The following NKAIN2 variants were observed in gnomAD, a reference collection of about 807,000 sequenced individuals.
NKAIN2 encodes the protein sodium/potassium-transporting ATPase subunit beta-1-interacting protein 2.
In NKAIN2, 14 loss-of-function variants were observed where a neutral mutation model predicts 32.6. That is an observed-to-expected ratio of 0.43 (90% CI 0.28 to 0.67). NKAIN2 has a LOEUF of 0.67. Ranked by LOEUF, NKAIN2 falls within the 30% of genes least tolerant of loss-of-function variation. NKAIN2 has a pLI of 0.17. For synonymous variants in NKAIN2, 80 were observed against 87.2 expected, an observed-to-expected ratio of 0.92 and a Z score of 0.46; for missense variants, 198 against 258.3, an observed-to-expected ratio of 0.77 and a Z score of 1.60.
Position 123,971,692 on chromosome 6 carries a change from G to C in NKAIN2, c.54+167438G>C, listed in dbSNP as rs376952135. Among the ~76,000 whole-genome samples the C allele has an allele frequency of 7.2e-5, 11 of 152,278 alleles. No homozygotes were observed. In the East Asian group the frequency reaches 1.7e-3, roughly 24 times the overall value. On this transcript the variant is annotated intron_variant, in intron 1 of 6. Transcript: ENST00000368417. ...ATACAACATTGGCTGGAGTGGGGAA[G>C]GTTTGGGGGATTTTCTTATCAGCTG...
intron 1 of NKAIN2, among the ~76,000 whole-genome samples, chr6:123,996,818 G>A (rs1368622916): frequency 4.6e-5 from 7 of 152,078 alleles, no homozygotes; most frequent in Middle Eastern, 3.4e-3. Context: ...TTACTCTAAG[G>A]GACACTTTGA....
chr6:124,065,739 G>C (rs181487065), intron 1 of NKAIN2, among the ~76,000 whole-genome samples: 1 of 152,094 alleles, frequency 6.6e-6, no homozygotes, highest in Non-Finnish European at 1.5e-5. Context: ...AAGACAAACT[G>C]TCTCTTCCAT....
intron 5 of NKAIN2, among the ~76,000 whole-genome samples, chr6:124,816,956 G>A (rs1781194609): frequency 6.6e-6 from 1 of 152,106 alleles, no homozygotes; most frequent in African/African-American, 2.4e-5. Context: ...AGTTACCATT[G>A]CTGCCAAAAC....
In NKAIN2 at chr6:124,202,478, G is replaced by A. The variant is rs187931273; in HGVS notation, c.55-80527G>A. 8.7e-3 allele frequency among the ~76,000 whole-genome samples: 1,317 copies of A among 151,028 alleles called. 16 individuals carry two copies. The highest frequency in any genetic ancestry group is 0.03 in the African/African-American group (1,247 of 40,892). ...AAGAATATACATTCATTCAACTGTT[G>A]TTCTAACATACAGCAAGTCCTTGAG... On this transcript the variant is annotated intron_variant, in intron 1 of 6. Transcript: ENST00000368417.
At chr6:124,171,128 T>C (rs188818512) in intron 1 of NKAIN2, among the ~76,000 whole-genome samples, 264 of 152,302 alleles carry the variant, frequency 1.7e-3, no homozygotes, top group Admixed American at 3.5e-3. Flanking sequence ...TTCCACTAAA[T>C]GTAAATTTTA....
intron 2 of NKAIN2, among the ~76,000 whole-genome samples, chr6:124,349,298 C>T (rs912391279): frequency 1.3e-5 from 2 of 152,034 alleles, no homozygotes; most frequent in African/African-American, 2.4e-5. Flanking sequence ...CTGCTCCCCC[C>T]TACAAAGGCG....
At chr6:124,677,944 T>A (rs1322225272) in intron 4 of NKAIN2, among the ~76,000 whole-genome samples, 5 of 152,134 alleles carry the variant, frequency 3.3e-5, no homozygotes, top group Non-Finnish European at 7.4e-5. Flanking sequence ...AGGAATGTCT[T>A]CTTTTTCCTT....
intron 1 of NKAIN2, among the ~76,000 whole-genome samples, chr6:123,895,125 A>T (rs1018600365): frequency 6.7e-6 from 1 of 149,284 alleles, no homozygotes; most frequent in Non-Finnish European, 1.5e-5. Flanking sequence ...CCTTCTTACA[A>T]ACTCTCCTTC....
intron 1 of NKAIN2, among the ~76,000 whole-genome samples, chr6:123,932,009 T>C (rs746420263): frequency 6.6e-6 from 1 of 152,226 alleles, no homozygotes; most frequent in South Asian, 2.1e-4. Flanking sequence ...TTTATCATTT[T>C]TCACTCTCTG....
intron 1 of NKAIN2, among the ~76,000 whole-genome samples, chr6:124,096,523 G>GA (rs1278334189): frequency 1.3e-5 from 2 of 152,142 alleles, no homozygotes; most frequent in East Asian, 3.9e-4. Flanking sequence ...ATCGTTTTCT[G>GA]AAAAATTCTT....
intron 1 of NKAIN2, among the ~76,000 whole-genome samples, chr6:124,125,067 C>T (rs1160338024): frequency 2.6e-5 from 4 of 152,160 alleles, no homozygotes; most frequent in African/African-American, 9.7e-5. Flanking sequence ...ATAGATGAGT[C>T]TTGTTCTACC....
At chr6:124,673,614 T>G (rs950267105) in intron 4 of NKAIN2, among the ~76,000 whole-genome samples, 1 of 152,092 alleles carries the variant, frequency 6.6e-6, no homozygotes, top group African/African-American at 2.4e-5. Flanking sequence ...ACTGTGGTTT[T>G]GATTTGTATT....
chr6:123,837,040 A>T (rs1774658530), intron 1 of NKAIN2, among the ~76,000 whole-genome samples: 1 of 152,150 alleles, frequency 6.6e-6, no homozygotes, highest in African/African-American at 2.4e-5. Context: ...TCATATTGTA[A>T]AAGTAGCATA....
At chr6:124,037,843 T>C (rs1457965923) in intron 1 of NKAIN2, among the ~76,000 whole-genome samples, 2 of 152,146 alleles carry the variant, frequency 1.3e-5, no homozygotes, top group East Asian at 1.9e-4. Flanking sequence ...AACAGTCAAC[T>C]TCAAAGGGTT....
intron 1 of NKAIN2, among the ~76,000 whole-genome samples, chr6:123,986,833 T>G (rs1779158741): frequency 6.6e-6 from 1 of 152,158 alleles, no homozygotes; most frequent in Admixed American, 6.5e-5. Context: ...CTCCAAAGAT[T>G]TGAGTCAAGA....
chr6:124,343,272 A>G (rs1475048823), intron 2 of NKAIN2, among the ~76,000 whole-genome samples: 1 of 152,014 alleles, frequency 6.6e-6, no homozygotes, highest in African/African-American at 2.4e-5. Flanking sequence ...GCTATTGTGA[A>G]TAGTGCCGAA....
At chr6:124,000,794 T>G (rs1305569616) in intron 1 of NKAIN2, among the ~76,000 whole-genome samples, 3 of 152,082 alleles carry the variant, frequency 2.0e-5, no homozygotes, top group African/African-American at 4.8e-5. Flanking sequence ...ATTCTGTTAT[T>G]TTCTGTTGTT....
chr6:124,444,223 A>G (rs1254179666), intron 3 of NKAIN2, among the ~76,000 whole-genome samples: 1 of 152,086 alleles, frequency 6.6e-6, no homozygotes, highest in Admixed American at 6.6e-5. Flanking sequence ...AATTTGGATT[A>G]GAAAATTGAT....
At position 124,156,748 on chromosome 6, in the gene NKAIN2, C is replaced by T. The variant is rs142932655; in HGVS notation, c.55-126257C>T. On this transcript the variant is annotated intron_variant, in intron 1 of 6. Coordinates refer to ENST00000368417, the MANE Select transcript of NKAIN2 (RefSeq NM_001040214.3). ...ACCCAACTGCCTTGTGGAGAATGGA[C>T]TATAAGAAAGCAGAAATCAAAGCAG... Among the ~76,000 whole-genome samples the T allele has an allele frequency of 1.2e-3, 190 of 152,108 alleles. 3 individuals carry two copies. The highest frequency in any genetic ancestry group is 2.4e-4 in the Non-Finnish European group (16 of 67,990).
Sources: gnomAD v4.1 joint callset for allele counts (sites outside exome capture counted in the v4.1 genomes callset) on GRCh38, gnomAD v4.1.1 for gene constraint, MANE v1.5 for transcripts, NCBI Gene and HGNC (gene_info 2026-07-23, HGNC 2026-07-21) for gene names.